The following RPS6KA2 variants were observed in gnomAD, a reference collection of about 807,000 sequenced individuals.
The protein encoded by RPS6KA2 is ribosomal protein S6 kinase alpha-2.
In RPS6KA2, 42 loss-of-function variants were observed where a neutral mutation model predicts 91.8. The observed-to-expected ratio is 0.46, with a 90% CI of 0.36 to 0.59. RPS6KA2 has a LOEUF of 0.59. RPS6KA2 is among the 20% of genes least tolerant of loss of function. The pLI, the probability that RPS6KA2 is intolerant of heterozygous loss-of-function variation, is 0.00. For missense variants in RPS6KA2, 798 were observed against 978.5 expected, an observed-to-expected ratio of 0.82 and a Z score of 2.46; for synonymous variants, 414 against 393.6, an observed-to-expected ratio of 1.05 and a Z score of -0.61.
chr6:166,670,087 C>A (rs1485172770), intron 2 of RPS6KA2, among the ~76,000 whole-genome samples: 1 of 152,262 alleles, frequency 6.6e-6, no homozygotes, highest in African/African-American at 2.4e-5. Flanking sequence ...GTGCAAATGG[C>A]AGTGCCAACA....
At chr6:166,517,138 C>T (rs1236793879) in intron 3 of RPS6KA2, among the ~76,000 whole-genome samples, 2 of 151,938 alleles carry the variant, frequency 1.3e-5, no homozygotes, top group African/African-American at 2.4e-5. Context: ...CTATATCTTA[C>T]ACTAAAATAA....
intron 1 of RPS6KA2, among the ~76,000 whole-genome samples, chr6:166,568,281 T>C (rs1266438064): frequency 1.3e-5 from 2 of 152,190 alleles, no homozygotes; most frequent in Non-Finnish European, 1.5e-5. Flanking sequence ...TAAGAAAGCC[T>C]GTTCTCAGAG....
intron 2 of RPS6KA2, among the ~76,000 whole-genome samples, chr6:166,699,779 CT>C (rs1021925195): frequency 3.3e-5 from 5 of 152,094 alleles, no homozygotes; most frequent in Admixed American, 6.6e-5. Context: ...TATCTTTTGA[CT>C]TTTTTTTCCA....
At chr6:166,545,317 C>A (rs1321707888) in intron 1 of RPS6KA2, among the ~76,000 whole-genome samples, 2 of 152,164 alleles carry the variant, frequency 1.3e-5, no homozygotes, top group African/African-American at 4.8e-5. Context: ...CTTTTTCTGA[C>A]CAATGAAAGT....
At chr6:166,487,514 G>A (rs992108042) in intron 10 of RPS6KA2, among the ~76,000 whole-genome samples, 1 of 152,300 alleles carries the variant, frequency 6.6e-6, no homozygotes, top group East Asian at 1.9e-4. Flanking sequence ...GGTTATCACC[G>A]AGAGGTCTGT....
intron 2 of RPS6KA2, among the ~76,000 whole-genome samples, chr6:166,813,441 G>A (rs1367598096): frequency 6.6e-6 from 1 of 152,150 alleles, no homozygotes; most frequent in Non-Finnish European, 1.5e-5. Flanking sequence ...TTTGTTTTCC[G>A]AGTTCATTGG....
intron 1 of RPS6KA2, among the ~76,000 whole-genome samples, chr6:166,569,745 C>T (rs774242585): frequency 9.9e-5 from 15 of 152,148 alleles, no homozygotes; most frequent in Non-Finnish European, 1.8e-4. Context: ...CACGGTGATT[C>T]GGGACAGCAA....
intron 1 of RPS6KA2, among the ~76,000 whole-genome samples, chr6:166,861,884 T>C (rs1781053884): frequency 6.6e-6 from 1 of 152,282 alleles, no homozygotes; most frequent in African/African-American, 2.4e-5. Flanking sequence ...TTATCATTTA[T>C]GTATTTACAC....
At chr6:166,528,260 T>C (rs1355642099) in intron 3 of RPS6KA2, among the ~76,000 whole-genome samples, 1 of 152,138 alleles carries the variant, frequency 6.6e-6, no homozygotes, top group Non-Finnish European at 1.5e-5. Flanking sequence ...TCAGAAATAA[T>C]ACCACACATC....
At chr6:166,527,889 C>T (rs1489386925) in intron 3 of RPS6KA2, among the ~76,000 whole-genome samples, 1 of 152,252 alleles carries the variant, frequency 6.6e-6, no homozygotes. Flanking sequence ...TACTTTATTC[C>T]TTTCTATTGC....
Position 166,748,569 on chromosome 6 carries a change from C to A in RPS6KA2, c.123+109631G>T, listed in dbSNP as rs563230098. Among the ~76,000 whole-genome samples the A allele has an allele frequency of 1.5e-4, 17 of 115,856 alleles. 1 individual carries two copies. The East Asian group carries it at 4.3e-3, about 29-fold the overall frequency. The allele number at this position is 115,856 out of a possible 152,430, so 76.0% of individuals were successfully genotyped here. On this transcript the variant is annotated intron_variant, in intron 2 of 21. Coordinates refer to the RPS6KA2 transcript ENST00000503859. ...CCCCTTGGGCCCCCACCTCCTCAGG[C>A]CCCCACCTCCTCGGGCCCCCATTTC...
chr6:166,715,979 A>G (rs1383779216), intron 2 of RPS6KA2, among the ~76,000 whole-genome samples: 1 of 139,430 alleles, frequency 7.2e-6, no homozygotes, highest in Non-Finnish European at 1.5e-5. Flanking sequence ...TGGAGGTTGC[A>G]GTGAGCCGAG....
intron 2 of RPS6KA2, among the ~76,000 whole-genome samples, chr6:166,787,008 T>A (rs373604171): frequency 6.6e-6 from 1 of 152,220 alleles, no homozygotes; most frequent in Admixed American, 6.5e-5. Context: ...GACACAGCTA[T>A]GTCGGTGTGC....
chr6:166,587,735 C>T (rs1785225736), intron 1 of RPS6KA2, among the ~76,000 whole-genome samples: 1 of 151,618 alleles, frequency 6.6e-6, no homozygotes, highest in African/African-American at 2.4e-5. Flanking sequence ...GATGAAGGGC[C>T]CACGTCTCTG....
At chr6:166,807,042 T>C (rs1037996470) in intron 2 of RPS6KA2, among the ~76,000 whole-genome samples, 7 of 152,134 alleles carry the variant, frequency 4.6e-5, no homozygotes, top group Admixed American at 2.0e-4. Context: ...TGTTTTACTA[T>C]AAAAATCAAC....
At chr6:166,838,383 A>G (rs1186392074) in intron 2 of RPS6KA2, among the ~76,000 whole-genome samples, 1 of 152,238 alleles carries the variant, frequency 6.6e-6, no homozygotes, top group African/African-American at 2.4e-5. Flanking sequence ...TATGGAGGAA[A>G]ATGTATTTAT....
At chr6:166,473,132 A>G (rs1780834380) in intron 10 of RPS6KA2, among the ~76,000 whole-genome samples, 1 of 151,992 alleles carries the variant, frequency 6.6e-6, no homozygotes, top group Admixed American at 6.6e-5. Context: ...TAAGGGTATA[A>G]TTTTGCAACC....
chr6:166,570,304 G>T (rs933251363), intron 1 of RPS6KA2, among the ~76,000 whole-genome samples: 13 of 152,172 alleles, frequency 8.5e-5, no homozygotes, highest in African/African-American at 2.7e-4. Context: ...CTCAAAGAGA[G>T]GCACAAGATG....
intron 8 of RPS6KA2, among the ~76,000 whole-genome samples, chr6:166,498,035 G>A (rs11757572): frequency 0.15 from 22,085 of 152,130 alleles, 2,261 homozygotes; most frequent in African/African-American, 0.29. Context: ...CTAGGGCGGA[G>A]AAGACCCAGT....
Sources: gnomAD v4.1 joint callset for allele counts (sites outside exome capture counted in the v4.1 genomes callset) on GRCh38, gnomAD v4.1.1 for gene constraint, MANE v1.5 for transcripts, NCBI Gene and HGNC (gene_info 2026-07-23, HGNC 2026-07-21) for gene names.